MYO10: variants seen among roughly 807,000 people sequenced by gnomAD.
MYO10 encodes the protein unconventional myosin-X.
MYO10 carries 133 observed loss-of-function variants against 257.3 expected under a neutral mutation model. That is an observed-to-expected ratio of 0.52 (90% CI 0.45 to 0.60). The LOEUF (loss-of-function observed/expected upper bound fraction) is 0.60, where lower values mean the gene tolerates loss of function less well. Among genes scored for constraint, MYO10 ranks in the 20% least tolerant of loss-of-function variants. MYO10 has a pLI of 0.00. For synonymous variants in MYO10, 1,104 were observed against 1,028.6 expected (o/e 1.07, Z -1.40); for missense variants, 2,399 against 2,635.7 (o/e 0.91, Z 1.97).
intron 32 of MYO10, among the ~76,000 whole-genome samples, chr5:16,680,971 C>G (rs2288436): frequency 0.31 from 47,551 of 151,908 alleles, 7,577 homozygotes; most frequent in South Asian, 0.41. Context: ...CCGGCCTGGG[C>G]AACAGTGTGA....
At chr5:16,827,518 C>G (rs1370831247) in intron 2 of MYO10, among the ~76,000 whole-genome samples, 1 of 152,152 alleles carries the variant, frequency 6.6e-6, no homozygotes, top group Non-Finnish European at 1.5e-5. Flanking sequence ...AACTCCCGTA[C>G]TCAAGTGATC....
At chr5:16,891,165 T>C (rs961766726) in intron 1 of MYO10, among the ~76,000 whole-genome samples, 1 of 151,728 alleles carries the variant, frequency 6.6e-6, no homozygotes, top group African/African-American at 2.4e-5. Context: ...AGCAGGTGCC[T>C]GTAATCCCAG....
At chr5:16,684,317 A>C (rs1737144000) in intron 29 of MYO10, among the ~76,000 whole-genome samples, 1 of 152,154 alleles carries the variant, frequency 6.6e-6, no homozygotes, top group Admixed American at 6.5e-5. Flanking sequence ...ATCTCAGCTC[A>C]ACGCAACCTC....
chr5:16,926,601 C>T (rs906211408), intron 1 of MYO10, among the ~76,000 whole-genome samples: 1 of 151,874 alleles, frequency 6.6e-6, no homozygotes, highest in African/African-American at 2.4e-5. Context: ...ACGTGGGAGG[C>T]TGAGGCAGAA....
intron 29 of MYO10, among the ~76,000 whole-genome samples, chr5:16,684,913 G>A (rs1013910763): frequency 1.1e-4 from 17 of 152,044 alleles, no homozygotes; most frequent in African/African-American, 2.9e-4. Context: ...CGGGTGTGGC[G>A]GCAAGCGCCT....
Position 16,701,373 on chromosome 5 carries a change from G to A in MYO10, c.3022C>T (p.Pro1008Ser), listed in dbSNP as rs781139264. Reference protein sequence around the residue: ...EADDDAFKDSPNPSEHGHSDQ... With the variant: ...EADDDAFKDSSNPSEHGHSDQ... Reference sequence around the variant, plus strand: ...GAGTGGCCGTGCTCGCTGGGGTTGGGGGAGTCCTTGAAGGCGTCGTCGTCG... The same window carrying A: ...GAGTGGCCGTGCTCGCTGGGGTTGGAGGAGTCCTTGAAGGCGTCGTCGTCG... Residue 1008 changes from proline to serine, a missense_variant, in exon 25 of 41, where the codon CCC becomes TCC. Physicochemically the swap from Pro to Ser is moderately conservative, Grantham distance 74 (BLOSUM62 -1). Transcript: ENST00000513610. This position sits in a 1 kb window ranked among gnomAD's most constrained non-coding sequence, Gnocchi z 8.1. 3 of 1,614,000 alleles carry A rather than the reference G, an allele frequency of 1.9e-6. No individual in the cohort carries two copies. The highest frequency in any genetic ancestry group is 1.6e-4 in the Middle Eastern group (1 of 6,062).
In MYO10 at chr5:16,689,847, A is replaced by C. The variant is rs1308707322; in HGVS notation, c.3873T>G (p.Ile1291Met). 1.2e-6 allele frequency: 2 copies of C among 1,613,506 alleles called. No homozygotes were observed. The highest frequency in any genetic ancestry group is 1.7e-6 in the Non-Finnish European group (2 of 1,179,538). ...ACCTGGCATCTTCTGGGGACTCTGC[A>C]ATCAGGTGGAAAGTCCTATCGGCCA... ...IIMADRTFHL[I>M]AESPEDASQW... The change falls in exon 28 of 41, where the codon ATT (isoleucine) becomes ATG (methionine). Residue 1291 changes from isoleucine to methionine, a missense_variant. Around this residue, in one of 3 missense-constraint regions of MYO10, gnomAD observed 1,820 missense variants for 1,939.4 expected, o/e 0.94. Coordinates refer to ENST00000513610, the MANE Select transcript of MYO10 (RefSeq NM_012334.3).
intron 2 of MYO10, among the ~76,000 whole-genome samples, chr5:16,857,388 C>T (rs1490167063): frequency 1.3e-5 from 2 of 152,186 alleles, no homozygotes; most frequent in African/African-American, 4.8e-5. Flanking sequence ...AAAGAACATG[C>T]TTTGGGAGGA....
At chr5:16,785,752 C>T (rs1483292709) in intron 4 of MYO10, among the ~76,000 whole-genome samples, 1 of 152,126 alleles carries the variant, frequency 6.6e-6, no homozygotes, top group Admixed American at 6.5e-5. Flanking sequence ...CGTCTGTAAT[C>T]CCAGCTACAT....
In MYO10 at chr5:16,779,556, T is replaced by G. The variant is rs890835719; in HGVS notation, c.919A>C (p.Arg307=). 1 of 1,574,166 alleles carries G rather than the reference T, an allele frequency of 6.4e-7. No homozygotes were observed. Among genetic ancestry groups the G allele is most frequent in the Non-Finnish European group, 8.6e-7 (1 of 1,162,442 alleles). The change falls in exon 9 of 41, where the codon AGG becomes CGG. Residue 307 remains arginine, a synonymous_variant. Coordinates refer to ENST00000513610, the MANE Select transcript of MYO10 (RefSeq NM_012334.3). ...TAAAAGTAACTTACAATAACTTCCC[T>G]AAAGGATTCCTGGTCACTGATTGTC... The part of the protein sequence containing the change: ...DKTISDQESF[R]EVITAMDVMQ...
At chr5:16,703,859 C>T (rs529393353) in intron 22 of MYO10, among the ~76,000 whole-genome samples, 2 of 129,540 alleles carry the variant, frequency 1.5e-5, no homozygotes, top group East Asian at 2.1e-4. Context: ...TCCAGCCAGA[C>T]GAGCGAGCGA....
intron 37 of MYO10, 121 bp downstream of exon 37, chr5:16,672,568 A>G (rs2126468574): frequency 1.7e-6 from 2 of 1,192,956 alleles, no homozygotes; most frequent in South Asian, 1.5e-5. Context: ...CAACACAGGT[A>G]AAATAAAACT....
intron 1 of MYO10, among the ~76,000 whole-genome samples, chr5:16,880,528 T>C (rs1228841773): frequency 6.6e-6 from 1 of 152,170 alleles, no homozygotes; most frequent in Non-Finnish European, 1.5e-5. Context: ...ACTCCATTCA[T>C]AGATCTTCAA....
intron 2 of MYO10, among the ~76,000 whole-genome samples, chr5:16,869,329 G>A (rs940886750): frequency 1.3e-5 from 2 of 149,436 alleles, no homozygotes; most frequent in Non-Finnish European, 3.0e-5. Context: ...GTGCACCACC[G>A]TGCCCAGGCC....
At chr5:16,912,849 C>CACACACACACACACACA (rs57618587) in intron 1 of MYO10, among the ~76,000 whole-genome samples, 4 of 148,522 alleles carry the variant, frequency 2.7e-5, no homozygotes, top group South Asian at 2.1e-4. Context: ...CACACACACA[C>CACACACACACACACACA]CATGGTACCT....
chr5:16,699,342 C>A, intron 26 of MYO10, 108 bp downstream of exon 26: 14 of 1,411,054 alleles, frequency 9.9e-6, no homozygotes, highest in Non-Finnish European at 1.3e-5. Context: ...CATCCATCAG[C>A]CCAGATACAA....
At position 16,729,451 on chromosome 5, in the gene MYO10, C is replaced by CT. The variant is rs1331507610; in HGVS notation, c.1930-18207dup. Reference sequence around the variant, plus strand: ...CACTCTTCATCTAAAGTTGTATTTTCTATTTTTTTTTTTTTTTTGAGACGG... The same window carrying CT: ...CACTCTTCATCTAAAGTTGTATTTTCTTATTTTTTTTTTTTTTTTGAGACGG... On this transcript the variant is annotated intron_variant, in intron 19 of 40. Transcript: ENST00000513610. Among the ~76,000 whole-genome samples the CT allele has an allele frequency of 7.7e-3, 1,149 of 150,098 alleles. 7 individuals are homozygous for CT. The highest frequency in any genetic ancestry group is 0.026 in the African/African-American group (1,073 of 40,614).
intron 19 of MYO10, among the ~76,000 whole-genome samples, chr5:16,739,528 C>T (rs888832528): frequency 1.3e-5 from 2 of 152,062 alleles, no homozygotes; most frequent in South Asian, 2.1e-4. Context: ...TTGGCAAATA[C>T]ACTTTCAAGA....
chr5:16,826,450 CA>C (rs1743002558), intron 2 of MYO10, among the ~76,000 whole-genome samples: 1 of 152,140 alleles, frequency 6.6e-6, no homozygotes, highest in Admixed American at 6.6e-5. Flanking sequence ...CAATTCCTAT[CA>C]GGGGAACAGA....
Sources: allele counts gnomAD v4.1 joint callset (sites outside exome capture counted in the v4.1 genomes callset), GRCh38; gene constraint gnomAD v4.1.1; regional missense constraint gnomAD v4.1.1; non-coding constraint Gnocchi (gnomAD v3.1); transcripts MANE v1.5; gene names NCBI Gene and HGNC (gene_info 2026-07-23, HGNC 2026-07-21).